Variants in EYS observed in about 807,000 individuals in gnomAD.
EYS encodes protein eyes shut homolog.
In EYS, 250 loss-of-function variants were observed where a neutral mutation model predicts 282.1. The ratio of observed to expected loss-of-function variants is 0.89; its 90% CI spans 0.80 to 0.98. The LOEUF (loss-of-function observed/expected upper bound fraction) is 0.98, where lower values mean the gene tolerates loss of function less well. Ranked by LOEUF, EYS falls within the 50% of genes least tolerant of loss-of-function variation. The pLI is 0.00. For synonymous variants in EYS, 1,355 were observed against 1,282.9 expected (o/e 1.06, Z -1.20); for missense variants, 4,016 against 3,709.0 (o/e 1.08, Z -2.15).
intron 22 of EYS, among the ~76,000 whole-genome samples, chr6:64,706,152 C>T (rs1037152757): frequency 2.0e-5 from 3 of 151,818 alleles, no homozygotes; most frequent in African/African-American, 4.8e-5. Flanking sequence ...AATAGAGAAC[C>T]CAGAAATAAA....
chr6:64,914,319 C>A (rs947499887), intron 15 of EYS, among the ~76,000 whole-genome samples: 2 of 151,970 alleles, frequency 1.3e-5, no homozygotes, highest in African/African-American at 2.4e-5. Context: ...TCTTGAGCAA[C>A]TTTACTATTA....
Position 64,230,779 on chromosome 6 carries a change from A to C in EYS, c.6237T>G (p.Ala2079=). ...TATCAACCCCTTGTGTCACATCAGA[A>C]GCATCAACAAAGGAGGCTGTTGGAG... ...MLSPTASFVD[A]SDVTQGVDTM... Residue 2079 remains alanine (A), a synonymous_variant, in exon 31 of 43, where the codon GCT becomes GCG. Coordinates refer to ENST00000503581, the MANE Select transcript of EYS (RefSeq NM_001142800.2). 6.4e-7 allele frequency: 1 copy of C among 1,551,392 alleles called. No homozygotes were observed. Among genetic ancestry groups the C allele is most frequent in the Non-Finnish European group, 8.7e-7 (1 of 1,146,714 alleles).
intron 2 of EYS, among the ~76,000 whole-genome samples, chr6:65,588,859 T>C (rs946611170): frequency 6.6e-6 from 1 of 151,612 alleles, no homozygotes. Context: ...AGTTTTGATA[T>C]ATTAATAGGA....
chr6:63,809,611 TAGA>T (rs1315294404), intron 36 of EYS, among the ~76,000 whole-genome samples: 2 of 152,104 alleles, frequency 1.3e-5, no homozygotes, highest in Non-Finnish European at 2.9e-5. Flanking sequence ...GTTTAGTGTG[TAGA>T]AGAAGAAAGC....
At chr6:63,880,386 G>A (rs1581927836) in intron 35 of EYS, among the ~76,000 whole-genome samples, 1 of 151,800 alleles carries the variant, frequency 6.6e-6, no homozygotes, top group South Asian at 2.1e-4. Context: ...TGCTCCTCAA[G>A]CTTGCAGACA....
chr6:64,922,159 T>C (rs371163064), intron 15 of EYS, among the ~76,000 whole-genome samples: 1 of 152,096 alleles, frequency 6.6e-6, no homozygotes, highest in African/African-American at 2.4e-5. Context: ...AAATCCATTC[T>C]CCCTCTCTCC....
chr6:64,924,998 AC>A (rs1768470456), intron 15 of EYS, among the ~76,000 whole-genome samples: 1 of 152,046 alleles, frequency 6.6e-6, no homozygotes, highest in Non-Finnish European at 1.5e-5. Context: ...TTTCAGCAGC[AC>A]CCCATTCTAC....
At chr6:65,700,967 G>T (rs1769653778) in intron 1 of EYS, among the ~76,000 whole-genome samples, 1 of 152,010 alleles carries the variant, frequency 6.6e-6, no homozygotes, top group South Asian at 2.1e-4. Flanking sequence ...GTTTCATATT[G>T]CTATACAGCA....
intron 29 of EYS, among the ~76,000 whole-genome samples, chr6:64,333,644 T>C (rs1770724872): frequency 6.6e-6 from 1 of 152,104 alleles, no homozygotes; most frequent in Admixed American, 6.6e-5. Context: ...TAACCTTTGA[T>C]CAGGCAGGAG....
At chr6:64,631,166 A>C (rs1169556069) in intron 22 of EYS, 2 of 152,174 alleles carry the variant, frequency 1.3e-5, no homozygotes, top group African/African-American at 4.8e-5. Context: ...ATAACAATGA[A>C]AGCAACTGTT....
chr6:64,334,126 A>G (rs1216272602), intron 29 of EYS, among the ~76,000 whole-genome samples: 1 of 152,204 alleles, frequency 6.6e-6, no homozygotes, highest in African/African-American at 2.4e-5. Flanking sequence ...AAGAAGCTTT[A>G]TAGACAATTC....
At chr6:65,544,404 T>G (rs1768305676) in intron 2 of EYS, among the ~76,000 whole-genome samples, 1 of 152,188 alleles carries the variant, frequency 6.6e-6, no homozygotes, top group African/African-American at 2.4e-5. Context: ...GGTCTGGCTG[T>G]GTTCCCTCCC....
intron 2 of EYS, among the ~76,000 whole-genome samples, chr6:65,554,180 A>G (rs752367140): frequency 8.5e-5 from 13 of 152,094 alleles, no homozygotes; most frequent in Non-Finnish European, 1.8e-4. Flanking sequence ...ACTGTGTTAA[A>G]TTTTTGTTGT....
chr6:65,178,111 T>A (rs1765274424), intron 12 of EYS, among the ~76,000 whole-genome samples: 1 of 151,718 alleles, frequency 6.6e-6, no homozygotes, highest in African/African-American at 2.4e-5. Context: ...ACCCCCCGAG[T>A]ATCCTGCCAC....
At chr6:65,140,315 A>C (rs948696836) in intron 12 of EYS, among the ~76,000 whole-genome samples, 11 of 152,052 alleles carry the variant, frequency 7.2e-5, no homozygotes, top group African/African-American at 2.7e-4. Flanking sequence ...ACAAAAATAA[A>C]ATTTGTTAAA....
chr6:65,179,986 G>C (rs947606437), intron 12 of EYS, among the ~76,000 whole-genome samples: 1 of 152,148 alleles, frequency 6.6e-6, no homozygotes, highest in East Asian at 1.9e-4. Flanking sequence ...TGCATAAAAG[G>C]CCTTTGACAA....
intron 12 of EYS, among the ~76,000 whole-genome samples, chr6:65,221,328 G>GA (rs1359456941): frequency 6.6e-6 from 1 of 152,088 alleles, no homozygotes; most frequent in Non-Finnish European, 1.5e-5. Context: ...GGCCTAGGAG[G>GA]AAAAAATGGT....
chr6:64,774,357 T>G (rs1275429230), intron 22 of EYS, among the ~76,000 whole-genome samples: 2 of 151,838 alleles, frequency 1.3e-5, no homozygotes, highest in Non-Finnish European at 2.9e-5. Flanking sequence ...TGCAAAGGCT[T>G]GTGATTGGTA....
rs578149154 is a variant in EYS, at chr6:64,944,891, T to C, written c.2381+902A>G. Reference sequence around the variant, plus strand: ...GGGTGGAGAGAAACATAAATCTGGCTTATGTGCATGTCCAGTCATAGTACC... The same window carrying C: ...GGGTGGAGAGAAACATAAATCTGGCCTATGTGCATGTCCAGTCATAGTACC... On this transcript the variant is annotated intron_variant, in intron 15 of 42. Coordinates refer to ENST00000503581, the MANE Select transcript of EYS (RefSeq NM_001142800.2). Among the ~76,000 whole-genome samples, 46 of 152,190 alleles carry C rather than the reference T, an allele frequency of 3.0e-4. 1 individual carries two copies. The East Asian group carries it at 8.9e-3, about 30-fold the overall frequency.
Sources: gnomAD v4.1 joint callset for allele counts (sites outside exome capture counted in the v4.1 genomes callset) on GRCh38, gnomAD v4.1.1 for gene constraint, MANE v1.5 for transcripts, NCBI Gene and HGNC (gene_info 2026-07-23, HGNC 2026-07-21) for gene names.